CTNNA3: variants seen among roughly 807,000 people sequenced by gnomAD.
The protein encoded by CTNNA3 is catenin alpha 3, also known as catenin alpha-3.
CTNNA3 carries 76 observed loss-of-function variants against 95.7 expected under a neutral mutation model. The observed-to-expected ratio is 0.79, with a 90% CI of 0.66 to 0.96. The LOEUF (loss-of-function observed/expected upper bound fraction) is 0.96. Among genes scored for constraint, CTNNA3 ranks in the 40% least tolerant of loss-of-function variants. CTNNA3 has a pLI of 0.00. For synonymous variants in CTNNA3, 431 were observed against 374.4 expected, an observed-to-expected ratio of 1.15 and a Z score of -1.74; for missense variants, 1,191 against 1,089.8, an observed-to-expected ratio of 1.09 and a Z score of -1.31.
rs897508377 is a variant in CTNNA3, at chr10:67,015,757, A to G, written c.1047+164560T>C. 7.2e-5 allele frequency among the ~76,000 whole-genome samples: 11 copies of G among 151,850 alleles called. No homozygotes were observed. The East Asian group carries it at 1.9e-3, about 27-fold the overall frequency. On this transcript the variant is annotated intron_variant, in intron 7 of 17. Transcript: ENST00000433211. ...ATTGATTCATTTTTTTCTGTTCCCT[A>G]TTCTTAGGATCACCAATTACGTACA...
At chr10:66,843,861 T>G (rs1843155515) in intron 7 of CTNNA3, among the ~76,000 whole-genome samples, 2 of 152,226 alleles carry the variant, frequency 1.3e-5, no homozygotes, top group South Asian at 4.1e-4. Context: ...TATCAGCATT[T>G]TCATTCAGAA....
intron 7 of CTNNA3, among the ~76,000 whole-genome samples, chr10:67,139,299 ATTTTTTTT>A (rs60290459): frequency 3.1e-4 from 37 of 117,902 alleles, no homozygotes; most frequent in Non-Finnish European, 3.1e-4. Flanking sequence ...CGCCCGGCTA[ATTTTTTTT>A]TTTTTTTTTT....
At chr10:66,986,263 C>T (rs988065483) in intron 7 of CTNNA3, among the ~76,000 whole-genome samples, 5 of 151,882 alleles carry the variant, frequency 3.3e-5, no homozygotes, top group Non-Finnish European at 7.4e-5. Flanking sequence ...TTTGAGAGGC[C>T]GAGGCAGGCA....
chr10:65,920,923 A>G (rs2077076895), intron 17 of CTNNA3, among the ~76,000 whole-genome samples: 6 of 152,336 alleles, frequency 3.9e-5, no homozygotes, highest in Admixed American at 3.3e-4. Context: ...ACATAAATCA[A>G]TAAGTTCTGC....
intron 7 of CTNNA3, among the ~76,000 whole-genome samples, chr10:67,114,812 C>A (rs1204816161): frequency 6.7e-6 from 1 of 150,350 alleles, no homozygotes. Flanking sequence ...AAGAATCAGC[C>A]CTGAAGGGTA....
chr10:66,579,337 G>T (rs903291521), intron 10 of CTNNA3, among the ~76,000 whole-genome samples: 1 of 151,778 alleles, frequency 6.6e-6, no homozygotes, highest in East Asian at 1.9e-4. Context: ...TATTACAGAA[G>T]AATCAGTAGT....
At chr10:67,298,665 T>C (rs938223369) in intron 5 of CTNNA3, among the ~76,000 whole-genome samples, 5 of 152,248 alleles carry the variant, frequency 3.3e-5, no homozygotes, top group African/African-American at 4.8e-5. Flanking sequence ...TGTAAAGATA[T>C]ACTGTTGTCC....
intron 17 of CTNNA3, among the ~76,000 whole-genome samples, chr10:65,965,166 G>A (rs779401516): frequency 6.6e-6 from 1 of 151,916 alleles, no homozygotes; most frequent in Non-Finnish European, 1.5e-5. Context: ...ATTCACTTTC[G>A]ACTTGTGTTT....
At chr10:67,590,293 C>A (rs892399901) in intron 3 of CTNNA3, among the ~76,000 whole-genome samples, 1 of 152,104 alleles carries the variant, frequency 6.6e-6, no homozygotes, top group Non-Finnish European at 1.5e-5. Flanking sequence ...CAAATGTTTT[C>A]TGCTTTTTAA....
rs370398425 is a variant in CTNNA3, at chr10:66,899,413, G to C, written c.1048-123889C>G. 3.3e-5 allele frequency among the ~76,000 whole-genome samples: 5 copies of C among 152,140 alleles called. No individual in the cohort carries two copies. In the East Asian group the frequency reaches 9.6e-4, roughly 29 times the overall value. ...GGTCGTTTCCAAGATGGCCAAATAGGAACAGCTCCGGTCGGAAGCTCCTAG... is the reference window on the plus strand; with the variant it reads ...GGTCGTTTCCAAGATGGCCAAATAGCAACAGCTCCGGTCGGAAGCTCCTAG... On this transcript the variant is annotated intron_variant, in intron 7 of 17. Transcript: ENST00000433211.
intron 7 of CTNNA3, among the ~76,000 whole-genome samples, chr10:67,133,677 T>A (rs1295125205): frequency 6.6e-6 from 1 of 151,948 alleles, no homozygotes; most frequent in Non-Finnish European, 1.5e-5. Context: ...ATGCAGCAGA[T>A]CAACTCAAAG....
At chr10:66,643,432 C>T (rs944924510) in intron 9 of CTNNA3, among the ~76,000 whole-genome samples, 1 of 152,086 alleles carries the variant, frequency 6.6e-6, no homozygotes, top group African/African-American at 2.4e-5. Flanking sequence ...ATTTTAGAAA[C>T]TGAAATCTTT....
chr10:67,601,244 A>C (rs1589474369), intron 3 of CTNNA3, among the ~76,000 whole-genome samples: 1 of 152,248 alleles, frequency 6.6e-6, no homozygotes, highest in Admixed American at 6.5e-5. Flanking sequence ...GGCACCAGAA[A>C]CCGGTTTCAT....
chr10:67,717,482 G>A (rs1841151156), intron 1 of CTNNA3, among the ~76,000 whole-genome samples: 1 of 152,066 alleles, frequency 6.6e-6, no homozygotes, highest in Non-Finnish European at 1.5e-5. Flanking sequence ...TCCATCTTGA[G>A]TTAGTTTTTG....
chr10:66,942,608 G>A (rs574444751), intron 7 of CTNNA3, among the ~76,000 whole-genome samples: 14 of 150,698 alleles, frequency 9.3e-5, no homozygotes, highest in Middle Eastern at 3.4e-3. Flanking sequence ...GTGTGTCTGC[G>A]TGTGTGTGCA....
At chr10:66,957,279 C>T (rs1011855293) in intron 7 of CTNNA3, among the ~76,000 whole-genome samples, 12 of 151,502 alleles carry the variant, frequency 7.9e-5, no homozygotes, top group African/African-American at 2.9e-4. Context: ...CCTAAATTTA[C>T]TATTTGCTCA....
At chr10:67,255,627 A>G (rs1564515503) in intron 5 of CTNNA3, among the ~76,000 whole-genome samples, 1 of 152,186 alleles carries the variant, frequency 6.6e-6, no homozygotes, top group Non-Finnish European at 1.5e-5. Context: ...ACATGCAAAC[A>G]TATTAACTGT....
chr10:66,580,254 T>C (rs2659990), intron 10 of CTNNA3, among the ~76,000 whole-genome samples: 105,276 of 151,280 alleles, frequency 0.7, 38,238 homozygotes, highest in Non-Finnish European at 0.81. Flanking sequence ...TCTCCTTTGG[T>C]GACATTCTTC....
At chr10:66,598,554 C>A (rs981742569) in intron 10 of CTNNA3, among the ~76,000 whole-genome samples, 3 of 151,932 alleles carry the variant, frequency 2.0e-5, no homozygotes, top group Non-Finnish European at 4.4e-5. Flanking sequence ...TAGGCAAATT[C>A]AGTAAAGTTG....
Sources: gnomAD v4.1 joint callset for allele counts (sites outside exome capture counted in the v4.1 genomes callset) on GRCh38, gnomAD v4.1.1 for gene constraint, MANE v1.5 for transcripts, NCBI Gene and HGNC (gene_info 2026-07-23, HGNC 2026-07-21) for gene names.